The following ZYG11A variants were observed in gnomAD, a reference collection of about 807,000 sequenced individuals.
The protein encoded by ZYG11A is zyg-11 family member A, cell cycle regulator.
In ZYG11A, 62 loss-of-function variants were observed where a neutral mutation model predicts 77.2. That is an observed-to-expected ratio of 0.80 (90% CI 0.65 to 0.99). The LOEUF (loss-of-function observed/expected upper bound fraction) is 0.99, where lower values mean the gene tolerates loss of function less well. ZYG11A is among the 50% of genes least tolerant of loss of function. The pLI is 0.00. For synonymous variants in ZYG11A, 315 were observed against 324.6 expected (o/e 0.97, Z 0.32); for missense variants, 828 against 896.8 (o/e 0.92, Z 0.98).
At chr1:52,866,404 T>A (rs1035563352) in intron 5 of ZYG11A, 99 bp from the exon 6 acceptor site, 1 of 618,048 alleles carries the variant, frequency 1.6e-6, no homozygotes, top group Non-Finnish European at 2.8e-6. Context: ...GAGCTCTCAA[T>A]AAGAAAAGCT....
intron 11 of ZYG11A, among the ~76,000 whole-genome samples, 154 bp from the exon 12 acceptor site, chr1:52,885,677 ATT>A (rs10581739): frequency 0.5 from 76,392 of 151,856 alleles, 20,415 homozygotes; most frequent in Non-Finnish European, 0.61. Context: ...TTTTTCCCAC[ATT>A]GTTAAGATAT....
rs545949277 is a variant in ZYG11A at position 52,862,068 on chromosome 1, G to T, written c.1149+1197G>T. On this transcript the variant is annotated intron_variant, in intron 4 of 13. Coordinates refer to ENST00000371528, the MANE Select transcript of ZYG11A (RefSeq NM_001004339.3). ...TACTAAAAATACAAAAATTAGCCAG[G>T]CGTGGTGGCAGGTGCCTGTAATCCC... Among the ~76,000 whole-genome samples, 146 of 151,716 alleles carry T rather than the reference G, an allele frequency of 9.6e-4. 1 individual carries two copies. Among genetic ancestry groups the T allele is most frequent in the African/African-American group, 3.4e-3 (139 of 41,470 alleles).
intron 13 of ZYG11A, among the ~76,000 whole-genome samples, chr1:52,888,998 C>G (rs987110486): frequency 6.6e-6 from 1 of 152,034 alleles, no homozygotes; most frequent in South Asian, 2.1e-4. Context: ...AGAAACTAAC[C>G]GAAACTAGAA....
intron 10 of ZYG11A, among the ~76,000 whole-genome samples, chr1:52,880,171 G>C (rs1372351758): frequency 7.0e-6 from 1 of 142,126 alleles, no homozygotes; most frequent in Non-Finnish European, 1.5e-5. Context: ...AGAATGTCTT[G>C]TTAGGGGGTA....
chr1:52,842,983 G>C lies in ZYG11A; in HGVS notation c.90+10G>C. ...CTGCTGCGTGGTACAGGTGAGCACC[G>C]GGGTGCGGGCGGCGACGCGGACCTC... On this transcript the variant is annotated intron_variant, in intron 1 of 13. Transcript: ENST00000371528. 1 of 1,509,312 alleles carries C rather than the reference G, an allele frequency of 6.6e-7. No homozygotes were observed. The highest frequency in any genetic ancestry group is 2.9e-5 in the East Asian group (1 of 35,002). The allele number at this position is 1,509,312 out of a possible 1,614,324, so 93.5% of individuals were successfully genotyped here.
At chr1:52,849,207 T>TTGGTGCCAGC (rs1645657021) in intron 1 of ZYG11A, among the ~76,000 whole-genome samples, 1 of 148,970 alleles carries the variant, frequency 6.7e-6, no homozygotes, top group African/African-American at 2.5e-5. Context: ...GGGATTGGGA[T>TTGGTGCCAGC]TACAGGCGCG....
chr1:52,869,473 CT>C (rs945353006), intron 8 of ZYG11A, among the ~76,000 whole-genome samples: 15 of 151,716 alleles, frequency 9.9e-5, no homozygotes, highest in African/African-American at 3.7e-4. Context: ...CTTCAAGCTT[CT>C]GTTTAGCAAA....
At chr1:52,869,980 C>A (rs566001168) in intron 8 of ZYG11A, among the ~76,000 whole-genome samples, 3 of 151,392 alleles carry the variant, frequency 2.0e-5, no homozygotes, top group Admixed American at 1.3e-4. Context: ...CCCCACCCCC[C>A]TCCCGGGCGG....
chr1:52,867,711 TTC>T lies in ZYG11A; in HGVS notation c.1492-14_1492-13del. 6.4e-7 allele frequency: 1 copy of T among 1,551,580 alleles called. No homozygotes were observed. Among genetic ancestry groups the T allele is most frequent in the South Asian group, 1.2e-5 (1 of 84,026 alleles). On this transcript the variant is annotated splice_polypyrimidine_tract_variant and intron_variant, in intron 7 of 13. Coordinates refer to ENST00000371528, the MANE Select transcript of ZYG11A (RefSeq NM_001004339.3). ...CAGGTTCCATAGTTCACTTGAGCCT[TTC>T]TGTTTGCTTATAGCTCTCACCTGAG...
chr1:52,842,790 G>T lies in ZYG11A; in HGVS notation c.-94G>T. On this transcript the variant is annotated 5_prime_UTR_variant, in exon 1 of 14. Transcript: ENST00000371528. ...CTCCGTGTGCCTCGCAGGCGTGGTG[G>T]GCGCGTCCTGGCAGCCGCCCGCTTG... 1 of 1,220,802 alleles carries T rather than the reference G, an allele frequency of 8.2e-7. No individual in the cohort carries two copies. The highest frequency in any genetic ancestry group is 1.1e-6 in the Non-Finnish European group (1 of 874,352). The allele number at this position is 1,220,802 out of a possible 1,614,324, so 75.6% of individuals were successfully genotyped here.
At chr1:52,862,139 G>GCC (rs1306467814) in intron 4 of ZYG11A, among the ~76,000 whole-genome samples, 1 of 151,590 alleles carries the variant, frequency 6.6e-6, no homozygotes, top group Non-Finnish European at 1.5e-5. Context: ...AACCTGGGAG[G>GCC]TGGAGGTTGC....
intron 8 of ZYG11A, among the ~76,000 whole-genome samples, chr1:52,869,532 C>G (rs1420013824): frequency 6.6e-6 from 1 of 151,680 alleles, no homozygotes. Context: ...GTGGACACAG[C>G]ACATGTTTCA....
At position 52,842,971 on chromosome 1, in the gene ZYG11A, C is replaced by G. The variant is rs1347347925; in HGVS notation, c.88C>G (p.Gln30Glu). The G allele has an allele frequency of 6.6e-7, 1 of 1,516,634 alleles. No individual in the cohort carries two copies. Among genetic ancestry groups the G allele is most frequent in the African/African-American group, 1.4e-5 (1 of 69,238 alleles). 93.9% of individuals were successfully genotyped at this position (1,516,634 alleles called of 1,614,324 possible). A position where few individuals can be genotyped will look rare whatever the true frequency, so the allele number is the denominator to read the frequency against. ...GGATGCCCTGGGCTGCTGCGTGGTA[C>G]AGGTGAGCACCGGGGTGCGGGCGGC... is the stretch of plus-strand genomic sequence containing the variant. Reference protein sequence around the residue: ...QKDALGCCVVQEEASPYTLVN... With the variant: ...QKDALGCCVVEEEASPYTLVN... Residue 30 changes from glutamine (Q) to glutamate (E), a missense_variant and splice_region_variant, in exon 1 of 14, where the codon CAG (glutamine) becomes GAG (glutamate). Physicochemically the swap from Gln to Glu is conservative, Grantham distance 29. Coordinates refer to ENST00000371528, the MANE Select transcript of ZYG11A (RefSeq NM_001004339.3).
chr1:52,888,793 C>A (rs1267777677), intron 13 of ZYG11A, among the ~76,000 whole-genome samples: 1 of 152,208 alleles, frequency 6.6e-6, no homozygotes, highest in Non-Finnish European at 1.5e-5. Flanking sequence ...TGCCTACTTC[C>A]AGCCTGGGGA....
Position 52,857,443 on chromosome 1 carries a change from A to G in ZYG11A, c.702A>G (p.Thr234=). 1 of 1,552,174 alleles carries G rather than the reference A, an allele frequency of 6.4e-7. No homozygotes were observed. Among genetic ancestry groups the G allele is most frequent in the Admixed American group, 2.0e-5 (1 of 51,000 alleles). ...LTCKDRLKSL[T]MHYLKCLAMT... ...GTAAGGATCGATTGAAGTCTCTCAC[A>G]ATGCACTATCTGAAATGCCTGGCCA... The change falls in exon 3 of 14, where the codon ACA becomes ACG. Residue 234 remains threonine (T), a synonymous_variant. Transcript: ENST00000371528.
Position 52,857,679 on chromosome 1 carries a change from T to A in ZYG11A, c.938T>A (p.Met313Lys). 6.4e-7 allele frequency: 1 copy of A among 1,552,222 alleles called. No homozygotes were observed. The highest frequency in any genetic ancestry group is 8.7e-7 in the Non-Finnish European group (1 of 1,147,092). The part of the protein sequence containing the change: ...VELFIRLRPA[M>K]QFVGLLATDA... ...CTGTTTATACGACTGCGGCCTGCCA[T>A]GCAATTTGTGGGACTATTGGCCACG... is the stretch of plus-strand genomic sequence containing the variant. Residue 313 changes from methionine to lysine, a missense_variant, in exon 3 of 14, where the codon ATG becomes AAG. Met to Lys is a moderately conservative substitution (Grantham distance 95). Transcript: ENST00000371528.
rs1197030080 is a variant in ZYG11A, at chr1:52,842,821, C to G, written c.-63C>G. On this transcript the variant is annotated 5_prime_UTR_variant, in exon 1 of 14. Coordinates refer to ENST00000371528, the MANE Select transcript of ZYG11A (RefSeq NM_001004339.3). ...TCCTGGCAGCCGCCCGCTTGGTTCTCGCGGGATCCGGGCTCCGGCTCGACG... is the reference window on the plus strand; with the variant it reads ...TCCTGGCAGCCGCCCGCTTGGTTCTGGCGGGATCCGGGCTCCGGCTCGACG... 3 of 1,470,128 alleles carry G rather than the reference C, an allele frequency of 2.0e-6. No homozygotes were observed. Among genetic ancestry groups the G allele is most frequent in the Non-Finnish European group, 2.7e-6 (3 of 1,092,082 alleles). 91.1% of individuals were successfully genotyped at this position (1,470,128 alleles called of 1,614,324 possible).
At position 52,863,968 on chromosome 1, in the gene ZYG11A, A is replaced by G. The variant is rs1335654273; in HGVS notation, c.1150-13A>G. 1 of 1,544,068 alleles carries G rather than the reference A, an allele frequency of 6.5e-7. No homozygotes were observed. The highest frequency in any genetic ancestry group is 2.5e-5 in the East Asian group (1 of 40,772). ...ACTGGCATCATATGCACTAAAAACA[A>G]GTTCATCTTCAGCTTGTGGCTATAG... On this transcript the variant is annotated splice_polypyrimidine_tract_variant and intron_variant, in intron 4 of 13. Transcript: ENST00000371528.
intron 3 of ZYG11A, among the ~76,000 whole-genome samples, chr1:52,860,322 A>G (rs1645902856): frequency 6.6e-6 from 1 of 152,200 alleles, no homozygotes; most frequent in South Asian, 2.1e-4. Flanking sequence ...TGTTGGGATT[A>G]CAGGCATTAG....
Sources: gnomAD v4.1 joint callset for allele counts (sites outside exome capture counted in the v4.1 genomes callset) on GRCh38, gnomAD v4.1.1 for gene constraint, MANE v1.5 for transcripts, NCBI Gene and HGNC (gene_info 2026-07-23, HGNC 2026-07-21) for gene names.